Variants in SH3BGRL2 observed in about 807,000 individuals in gnomAD.
The protein encoded by SH3BGRL2 is SH3 domain-binding glutamic acid-rich-like protein 2.
SH3BGRL2 carries 21 observed loss-of-function variants against 14.8 expected under a neutral mutation model. That is an observed-to-expected ratio of 1.42 (90% CI 1.01 to 2.05). The LOEUF (loss-of-function observed/expected upper bound fraction) is 2.05, where lower values mean the gene tolerates loss of function less well. Among genes scored for constraint, SH3BGRL2 ranks in the 30% most tolerant of loss-of-function variants. The pLI is 0.00. For synonymous variants in SH3BGRL2, 50 were observed against 47.8 expected, an observed-to-expected ratio of 1.05 and a Z score of -0.19; for missense variants, 147 against 130.8, an observed-to-expected ratio of 1.12 and a Z score of -0.61.
the SH3BGRL2 span, among the ~76,000 whole-genome samples, chr6:79,579,079 A>G: frequency 2.0e-5 from 3 of 152,206 alleles, no homozygotes; most frequent in Non-Finnish European, 4.4e-5. Context: ...TAATGAAATT[A>G]AAGTGAGAAG....
the SH3BGRL2 span, among the ~76,000 whole-genome samples, chr6:79,541,515 A>C: frequency 2.9e-4 from 44 of 152,274 alleles, no homozygotes; most frequent in Non-Finnish European, 4.4e-4. Flanking sequence ...TTTCCCTTCC[A>C]GGTATGGCCA....
intron 3 of SH3BGRL2, among the ~76,000 whole-genome samples, chr6:79,697,089 G>C (rs6927296): frequency 0.059 from 8,911 of 152,006 alleles, 268 homozygotes; most frequent in Non-Finnish European, 0.067. Flanking sequence ...CTCATGTTTA[G>C]AACTAGAAAT....
the SH3BGRL2 span, chr6:79,574,927 T>G: frequency 6.6e-6 from 1 of 152,100 alleles, no homozygotes; most frequent in Non-Finnish European, 1.5e-5. Context: ...CTAACTTGGA[T>G]TTTTTCATAG....
chr6:79,686,337 T>C (rs1770089595), intron 2 of SH3BGRL2, among the ~76,000 whole-genome samples: 1 of 152,158 alleles, frequency 6.6e-6, no homozygotes, highest in Admixed American at 6.6e-5. Context: ...CCTTCCATTG[T>C]CTTTCCTTTT....
the SH3BGRL2 span, among the ~76,000 whole-genome samples, chr6:79,604,538 A>C: frequency 6.6e-6 from 1 of 152,188 alleles, no homozygotes; most frequent in African/African-American, 2.4e-5. Flanking sequence ...TTGCCAGAAG[A>C]CTGCATGGAC....
chr6:79,657,078 G>T (rs188864334), intron 1 of SH3BGRL2, among the ~76,000 whole-genome samples: 2 of 152,208 alleles, frequency 1.3e-5, no homozygotes, highest in African/African-American at 4.8e-5. Context: ...AAAGGAATGC[G>T]CAGCAAGATT....
the SH3BGRL2 span, among the ~76,000 whole-genome samples, chr6:79,600,065 C>G: frequency 6.6e-6 from 1 of 152,126 alleles, no homozygotes; most frequent in Non-Finnish European, 1.5e-5. Flanking sequence ...CCCATCTTAT[C>G]ACCAGACACC....
At chr6:79,634,164 A>G (rs1037618691) in intron 1 of SH3BGRL2, among the ~76,000 whole-genome samples, 5 of 152,208 alleles carry the variant, frequency 3.3e-5, no homozygotes, top group African/African-American at 9.6e-5. Context: ...GATTTAAACA[A>G]TCTATTTAGA....
At chr6:79,620,379 A>G in the SH3BGRL2 span, among the ~76,000 whole-genome samples, 2 of 152,134 alleles carry the variant, frequency 1.3e-5, no homozygotes, top group South Asian at 2.1e-4. Context: ...AAATAGTGCA[A>G]TGAGGTGCGT....
upstream of SH3BGRL2, chr6:79,631,163 G>T (rs1009062979): frequency 2.4e-5 from 8 of 332,400 alleles, no homozygotes; most frequent in African/African-American, 6.4e-5. Context: ...CGGGATAGAA[G>T]CGCGGTCAGG....
the SH3BGRL2 span, among the ~76,000 whole-genome samples, chr6:79,590,627 C>T: frequency 1.3e-5 from 2 of 150,990 alleles, no homozygotes; most frequent in African/African-American, 4.9e-5. Flanking sequence ...TGAGTATATA[C>T]GGATATAAAG....
the SH3BGRL2 span, among the ~76,000 whole-genome samples, chr6:79,576,097 C>T: frequency 3.6e-4 from 54 of 152,036 alleles, no homozygotes; most frequent in Non-Finnish European, 7.2e-4. Context: ...AATGCAAGGA[C>T]CTTAAAATAT....
At chr6:79,575,998 C>A in the SH3BGRL2 span, among the ~76,000 whole-genome samples, 3 of 151,806 alleles carry the variant, frequency 2.0e-5, no homozygotes, top group African/African-American at 7.2e-5. Flanking sequence ...TATTTTTGCC[C>A]TTTTAGTAAT....
intron 2 of SH3BGRL2, among the ~76,000 whole-genome samples, chr6:79,679,934 A>AT (rs1212314103): frequency 6.6e-6 from 1 of 151,940 alleles, no homozygotes; most frequent in African/African-American, 2.4e-5. Context: ...AGGTTATTTG[A>AT]TTTTTTGTTT....
the SH3BGRL2 span, among the ~76,000 whole-genome samples, chr6:79,600,449 G>A: frequency 1.3e-5 from 2 of 152,172 alleles, no homozygotes; most frequent in African/African-American, 4.8e-5. Context: ...GCAGTTGAGT[G>A]TTTTCCAGGG....
intron 1 of SH3BGRL2, among the ~76,000 whole-genome samples, chr6:79,660,676 G>T (rs537891723): frequency 6.6e-6 from 1 of 152,046 alleles, no homozygotes; most frequent in Non-Finnish European, 1.5e-5. Flanking sequence ...GGAGGATTCC[G>T]TCTTTTTGTA....
At chr6:79,616,120 C>A in the SH3BGRL2 span, among the ~76,000 whole-genome samples, 2 of 152,038 alleles carry the variant, frequency 1.3e-5, no homozygotes, top group Admixed American at 6.6e-5. Context: ...CCGGCCTAAA[C>A]CACTCCTGCT....
chr6:79,671,551 T>C (rs1266228429), intron 1 of SH3BGRL2, among the ~76,000 whole-genome samples: 2 of 152,214 alleles, frequency 1.3e-5, no homozygotes, highest in African/African-American at 4.8e-5. Flanking sequence ...TTGATATTGA[T>C]TGTAAGATTC....
chr6:79,666,090 A>T (rs186701359), intron 1 of SH3BGRL2, among the ~76,000 whole-genome samples: 20 of 152,280 alleles, frequency 1.3e-4, no homozygotes, highest in African/African-American at 4.6e-4. Context: ...GAATGTGTTC[A>T]TTTGCAAGTA....
Sources: allele counts gnomAD v4.1 joint callset (sites outside exome capture counted in the v4.1 genomes callset), GRCh38; gene constraint gnomAD v4.1.1; transcripts MANE v1.5; gene names NCBI Gene and HGNC (gene_info 2026-07-23, HGNC 2026-07-21).